SLC25A30: variants seen among roughly 807,000 people sequenced by gnomAD.
SLC25A30 encodes the protein solute carrier family 25 member 30.
Under a neutral mutation model 42.7 loss-of-function variants are expected in SLC25A30, and 29 were observed. The observed-to-expected ratio is 0.68, with a 90% confidence interval of 0.51 to 0.93. SLC25A30 has a LOEUF of 0.93. SLC25A30 is among the 40% of genes least tolerant of loss of function. The pLI is 0.00. For synonymous variants in SLC25A30, 124 were observed against 131.0 expected, an observed-to-expected ratio of 0.95 and a Z score of 0.37; for missense variants, 300 against 359.7, an observed-to-expected ratio of 0.83 and a Z score of 1.34.
the SLC25A30 span, among the ~76,000 whole-genome samples, chr13:45,424,835 TATAA>T: frequency 3.9e-5 from 2 of 51,944 alleles, no homozygotes; most frequent in African/African-American, 1.7e-4. Flanking sequence ...AAAATATATA[TATAA>T]AAATATATAT....
At chr13:45,425,422 A>T in the SLC25A30 span, among the ~76,000 whole-genome samples, 1 of 112,840 alleles carries the variant, frequency 8.9e-6, no homozygotes, top group Non-Finnish European at 1.6e-5. Context: ...ATATATAAGT[A>T]TATATAAATA....
At chr13:45,413,614 G>A (rs1156329418) in intron 1 of SLC25A30, among the ~76,000 whole-genome samples, 1 of 151,710 alleles carries the variant, frequency 6.6e-6, no homozygotes, top group Non-Finnish European at 1.5e-5. Context: ...GAATGCAATG[G>A]CTCAATCTCA....
the SLC25A30 span, among the ~76,000 whole-genome samples, chr13:45,424,440 T>A: frequency 1.4e-5 from 1 of 70,420 alleles, no homozygotes; most frequent in East Asian, 3.9e-4. Flanking sequence ...TATATATAAA[T>A]ATATAAAAAT....
chr13:45,424,710 CAT>C, the SLC25A30 span, among the ~76,000 whole-genome samples: 5 of 40,678 alleles, frequency 1.2e-4, 2 homozygotes, highest in African/African-American at 4.5e-4. Context: ...TATATAAATA[CAT>C]ATATAAATAT....
the SLC25A30 span, among the ~76,000 whole-genome samples, chr13:45,424,059 AAAT>A: frequency 1.9e-5 from 2 of 105,526 alleles, no homozygotes; most frequent in African/African-American, 8.0e-5. Flanking sequence ...AAATCTATAA[AAAT>A]ATATATATTT....
chr13:45,424,045 ATATAAAT>A, the SLC25A30 span, among the ~76,000 whole-genome samples: 67 of 89,956 alleles, frequency 7.4e-4, 1 homozygote, highest in African/African-American at 2.8e-3. Context: ...ATATAAATAT[ATATAAAT>A]CTATAAAAAT....
At chr13:45,396,751 G>A (rs540272025) in intron 9 of SLC25A30, 68 of 157,224 alleles carry the variant, frequency 4.3e-4, no homozygotes, top group African/African-American at 1.5e-3. Context: ...CAGCCTGGGC[G>A]ACAGAGTAAA....
At chr13:45,419,246 T>A (rs1283356299), upstream of SLC25A30, among the ~76,000 whole-genome samples, 5 of 149,824 alleles carry the variant, frequency 3.3e-5, no homozygotes. Flanking sequence ...ATGTAAATAT[T>A]TATTTATATA....
At position 45,395,138 on chromosome 13, in the gene SLC25A30, A is replaced by G. The variant is rs1881214131; in HGVS notation, c.*836T>C. The G allele has an allele frequency of 1.0e-6, 1 of 985,290 alleles. No homozygotes were observed. Among genetic ancestry groups the G allele is most frequent in the African/African-American group, 1.7e-5 (1 of 57,234 alleles). 61.0% of individuals were successfully genotyped at this position (985,290 alleles called of 1,614,324 possible). On this transcript the variant is annotated 3_prime_UTR_variant, in exon 10 of 10. Coordinates refer to ENST00000519676, the MANE Select transcript of SLC25A30 (RefSeq NM_001010875.4). ...TAGCAGCAGCTACTATTTGTTCTTCATTTGACCCTCTACATCAATAGACGT... is the reference window on the plus strand; with the variant it reads ...TAGCAGCAGCTACTATTTGTTCTTCGTTTGACCCTCTACATCAATAGACGT...
At chr13:45,399,371 A>G (rs1472577741) in intron 7 of SLC25A30, among the ~76,000 whole-genome samples, 1 of 151,986 alleles carries the variant, frequency 6.6e-6, no homozygotes, top group Non-Finnish European at 1.5e-5. Flanking sequence ...ACATCCAGCT[A>G]ATTTTTTTTG....
chr13:45,396,847 C>CGTATCATT, intron 9 of SLC25A30: 1 of 173,560 alleles, frequency 5.8e-6, no homozygotes, highest in Non-Finnish European at 1.2e-5. Flanking sequence ...GCTGGCCTGC[C>CGTATCATT]AAACAATTCC....
At chr13:45,420,786 G>A (rs959908222), upstream of SLC25A30, among the ~76,000 whole-genome samples, 3 of 151,972 alleles carry the variant, frequency 2.0e-5, no homozygotes, top group East Asian at 3.9e-4. Flanking sequence ...CTGCAGCCTC[G>A]AACTCCTATA....
chr13:45,423,779 T>A, the SLC25A30 span, among the ~76,000 whole-genome samples: 6 of 62,512 alleles, frequency 9.6e-5, no homozygotes, highest in South Asian at 5.4e-4. Flanking sequence ...AATATATAAA[T>A]ATATAAATAT....
chr13:45,411,492 AATAAG>A lies in SLC25A30; in HGVS notation c.-55-17_-55-13del. Reference sequence around the variant, plus strand: ...CAGTGCTGTTTTTCCTGGACACAACAATAAGATATTATCAAGCTGTAACTTCTCAC... The same window carrying A: ...CAGTGCTGTTTTTCCTGGACACAACAATATTATCAAGCTGTAACTTCTCAC... On this transcript the variant is annotated splice_polypyrimidine_tract_variant and intron_variant, in intron 1 of 9. Transcript: ENST00000519676. 6.7e-7 allele frequency: 1 copy of A among 1,488,362 alleles called. No homozygotes were observed. 92.2% of individuals were successfully genotyped at this position (1,488,362 alleles called of 1,614,324 possible).
rs752240759 is a variant in SLC25A30 at position 45,394,541 on chromosome 13, TAA to T, written c.*1431_*1432del. ...AAAGGGGGAACTGAAGAGACCCAAA[TAA>T]ATATGTTCCCTGTCCTGTGGCTGCC... On this transcript the variant is annotated 3_prime_UTR_variant, in exon 10 of 10. Transcript: ENST00000519676. 389 of 985,308 alleles carry T rather than the reference TAA, an allele frequency of 3.9e-4. 2 individuals are homozygous for T. The highest frequency in any genetic ancestry group is 3.8e-3 in the South Asian group (80 of 21,276). 61.0% of individuals were successfully genotyped at this position (985,308 alleles called of 1,614,324 possible).
upstream of SLC25A30, among the ~76,000 whole-genome samples, chr13:45,420,849 A>C (rs1427351208): frequency 3.3e-5 from 5 of 152,074 alleles, no homozygotes. Flanking sequence ...TACAGGCATG[A>C]GCCACCATGC....
At position 45,395,612 on chromosome 13, in the gene SLC25A30, A is replaced by ATG. The variant is rs10654013; in HGVS notation, c.*361_*362insCA. On this transcript the variant is annotated 3_prime_UTR_variant, in exon 10 of 10. Transcript: ENST00000519676. ...CAGTGAGCTTTTCTAGAGCAGTCTG[A>ATG]TTCTCAGTCATGAGCTGAGATGCAT... The ATG allele has an allele frequency of 0.032, 36,429 of 1,152,422 alleles. 1,592 individuals carry two copies. Among genetic ancestry groups the ATG allele is most frequent in the African/African-American group, 0.2 (12,407 of 62,642 alleles). 71.4% of individuals were successfully genotyped at this position (1,152,422 alleles called of 1,614,324 possible). A position where few individuals can be genotyped will look rare whatever the true frequency, so the allele number is the denominator to read the frequency against.
At chr13:45,423,956 AAT>A in the SLC25A30 span, among the ~76,000 whole-genome samples, 25 of 94,750 alleles carry the variant, frequency 2.6e-4, no homozygotes, top group African/African-American at 9.5e-4. Context: ...AAAATATATG[AAT>A]ATATATAAAC....
At chr13:45,424,440 T>C in the SLC25A30 span, among the ~76,000 whole-genome samples, 168 of 70,420 alleles carry the variant, frequency 2.4e-3, 9 homozygotes, top group African/African-American at 8.8e-3. Flanking sequence ...TATATATAAA[T>C]ATATAAAAAT....
Sources: gnomAD v4.1 joint callset for allele counts (sites outside exome capture counted in the v4.1 genomes callset) on GRCh38, gnomAD v4.1.1 for gene constraint, MANE v1.5 for transcripts, NCBI Gene and HGNC (gene_info 2026-07-23, HGNC 2026-07-21) for gene names.